The following RBM48 variants were observed in gnomAD, a reference collection of about 807,000 sequenced individuals.
The protein encoded by RBM48 is RNA binding motif protein 48, also known as RNA-binding protein 48.
In RBM48, 32 loss-of-function variants were observed where a neutral mutation model predicts 34.8. The ratio of observed to expected loss-of-function variants is 0.92; its 90% confidence interval spans 0.69 to 1.23. RBM48 has a LOEUF of 1.23. Ranked by LOEUF, RBM48 falls within the 50% of genes most tolerant of loss-of-function variation. RBM48 has a pLI of 0.00. For missense variants in RBM48, 441 were observed against 447.2 expected, an observed-to-expected ratio of 0.99 and a Z score of 0.12; for synonymous variants, 151 against 156.2, an observed-to-expected ratio of 0.97 and a Z score of 0.25.
Position 92,534,842 on chromosome 7 carries a change from TTTC to T in RBM48, c.893_895del (p.Leu298del). The T allele has an allele frequency of 6.2e-7, 1 of 1,614,202 alleles. No homozygotes were observed. The highest frequency in any genetic ancestry group is 1.7e-4 in the Middle Eastern group (1 of 6,060). ...AGAAGATGATCGTAAACTTGGAACT[TTTC>T]TTCAAACAAACCCAACTGGTAATGA... On this transcript the variant is annotated inframe_deletion, in exon 4 of 5. Coordinates refer to ENST00000265732, the MANE Select transcript of RBM48 (RefSeq NM_032120.4).
chr7:92,534,588 G>T lies in RBM48; in HGVS notation c.635G>T (p.Cys212Phe). Residue 212 changes from cysteine (C) to phenylalanine (F), a missense_variant, in exon 4 of 5, where the codon TGT (cysteine) becomes TTT (phenylalanine). Transcript: ENST00000265732. ...TGTTATTTCTCCTCAAAATGTATGT[G>T]TTCATCCGGGGGACCTGTAGACAGA... ...PLCYFSSKCM[C>F]SSGGPVDRAP... 1 of 1,614,094 alleles carries T rather than the reference G, an allele frequency of 6.2e-7. No homozygotes were observed. The highest frequency in any genetic ancestry group is 1.1e-5 in the South Asian group (1 of 91,074).
intron 3 of RBM48, among the ~76,000 whole-genome samples, chr7:92,533,779 A>G (rs968197030): frequency 4.6e-5 from 7 of 152,326 alleles, no homozygotes; most frequent in East Asian, 1.9e-4. Context: ...TCATCAACAC[A>G]TAGCCAATTT....
rs781193791 is a variant in RBM48, at chr7:92,539,423, TG to T, written c.*2489del. 7.9e-5 allele frequency among the ~76,000 whole-genome samples: 12 copies of T among 152,344 alleles called. No individual in the cohort carries two copies. The South Asian group carries it at 2.3e-3, about 29-fold the overall frequency. On this transcript the variant is annotated 3_prime_UTR_variant, in exon 5 of 5. Transcript: ENST00000265732. ...AAAATTTCCATATAGGTTATTATTT[TG>T]GGCACAGTGGCTCATGCCTATAATC...
Position 92,536,956 on chromosome 7 carries a change from G to T in RBM48, c.*19G>T, listed in dbSNP as rs181346869. Reference sequence around the variant, plus strand: ...AATATAGAGTGCCAGCAGCAACTTAGTATTTTCTAAAAAGAACATTTATTA... The same window carrying T: ...AATATAGAGTGCCAGCAGCAACTTATTATTTTCTAAAAAGAACATTTATTA... On this transcript the variant is annotated 3_prime_UTR_variant, in exon 5 of 5. Coordinates refer to ENST00000265732, the MANE Select transcript of RBM48 (RefSeq NM_032120.4). 1.8e-5 allele frequency: 27 copies of T among 1,508,648 alleles called. No homozygotes were observed. The highest frequency in any genetic ancestry group is 2.3e-5 in the Non-Finnish European group (26 of 1,118,330). The allele number at this position is 1,508,648 out of a possible 1,614,324, so 93.5% of individuals were successfully genotyped here. A position where few individuals can be genotyped will look rare whatever the true frequency, so the allele number is the denominator to read the frequency against.
chr7:92,529,245 C>T lies in RBM48; in HGVS notation c.112-231C>T, dbSNP rs1347802165. 8 of 572,822 alleles carry T rather than the reference C, an allele frequency of 1.4e-5. No homozygotes were observed. The Admixed American group carries it at 2.0e-4, about 14-fold the overall frequency. The allele number at this position is 572,822 out of a possible 1,614,324, so 35.5% of individuals were successfully genotyped here. A position where few individuals can be genotyped will look rare whatever the true frequency, so the allele number is the denominator to read the frequency against. On this transcript the variant is annotated intron_variant, in intron 1 of 4. Transcript: ENST00000265732. ...CCAGTGACTTCTACCGACTCAATTT[C>T]TGGAAAAAAATGTCGACTGAAGGTA...
intron 2 of RBM48, among the ~76,000 whole-genome samples, chr7:92,530,976 G>T (rs1455233406): frequency 2.0e-5 from 3 of 152,042 alleles, no homozygotes; most frequent in African/African-American, 7.2e-5. Context: ...CAGCTACTTG[G>T]GAGGCCGAGG....
intron 4 of RBM48, chr7:92,536,453 C>T: frequency 1.0e-6 from 1 of 986,790 alleles, no homozygotes; most frequent in Non-Finnish European, 1.2e-6. Flanking sequence ...GATTATACTG[C>T]TTCCTGCTCA....
Position 92,537,732 on chromosome 7 carries a change from T to C in RBM48, c.*795T>C, listed in dbSNP as rs983470010. 5 of 152,274 alleles carry C rather than the reference T, an allele frequency of 3.3e-5. No individual in the cohort carries two copies. Among genetic ancestry groups the C allele is most frequent in the African/African-American group, 1.2e-4 (5 of 41,474 alleles). 9.4% of individuals were successfully genotyped at this position (152,274 alleles called of 1,614,324 possible). On this transcript the variant is annotated 3_prime_UTR_variant, in exon 5 of 5. Coordinates refer to ENST00000265732, the MANE Select transcript of RBM48 (RefSeq NM_032120.4). ...CAAAAATACATCAGTATTTATAAAT[T>C]CTAGACTTCTGTTACTACTTCTGGC...
At chr7:92,533,187 G>C (rs1043338760) in intron 3 of RBM48, among the ~76,000 whole-genome samples, 1 of 152,198 alleles carries the variant, frequency 6.6e-6, no homozygotes, top group Non-Finnish European at 1.5e-5. Context: ...TCAGAAATCT[G>C]GTAAGAGAGC....
At chr7:92,534,128 T>C (rs1427286972) in intron 3 of RBM48, 1 of 399,918 alleles carries the variant, frequency 2.5e-6, no homozygotes, top group Non-Finnish European at 4.5e-6. Context: ...TGAGACATAT[T>C]GAACAGATAA....
chr7:92,536,431 C>T (rs1219329614), intron 4 of RBM48: 23 of 985,616 alleles, frequency 2.3e-5, no homozygotes, highest in Non-Finnish European at 2.8e-5. Flanking sequence ...CCTTTTTCTC[C>T]AGGAAATTGA....
intron 3 of RBM48, 69 bp from the exon 4 acceptor site, chr7:92,534,333 T>C (rs1322890470): frequency 6.7e-7 from 1 of 1,500,308 alleles, no homozygotes; most frequent in Admixed American, 2.0e-5. Context: ...AATTATATGA[T>C]TCTGAATGAT....
chr7:92,534,187 G>A, intron 3 of RBM48: 1 of 622,592 alleles, frequency 1.6e-6, no homozygotes, highest in South Asian at 1.9e-5. Context: ...GACCCATGGA[G>A]AGCAAGGAAA....
At chr7:92,535,409 AT>A in intron 4 of RBM48, 1 of 1,028,022 alleles carries the variant, frequency 9.7e-7, no homozygotes, top group Non-Finnish European at 1.2e-6. Flanking sequence ...ATAAAGAGCA[AT>A]AGAAGGTGGT....
At position 92,537,867 on chromosome 7, in the gene RBM48, C is replaced by T. The variant is rs958485603; in HGVS notation, c.*930C>T. The T allele has an allele frequency of 2.0e-5, 3 of 152,276 alleles. No individual in the cohort carries two copies. Among genetic ancestry groups the T allele is most frequent in the Non-Finnish European group, 4.4e-5 (3 of 68,052 alleles). The allele number at this position is 152,276 out of a possible 1,614,324, so 9.4% of individuals were successfully genotyped here. On this transcript the variant is annotated 3_prime_UTR_variant, in exon 5 of 5. Coordinates refer to ENST00000265732, the MANE Select transcript of RBM48 (RefSeq NM_032120.4). Reference sequence around the variant, plus strand: ...TATTTTTAGTAGAGACAGGGTCTCACTGTGTTGCCCAGGCAGGTATTGAAC... The same window carrying T: ...TATTTTTAGTAGAGACAGGGTCTCATTGTGTTGCCCAGGCAGGTATTGAAC...
Position 92,539,233 on chromosome 7 carries a change from A to G in RBM48, c.*2296A>G, listed in dbSNP as rs534689907. On this transcript the variant is annotated 3_prime_UTR_variant, in exon 5 of 5. Transcript: ENST00000265732. The stretch of plus-strand genomic sequence containing the variant: ...ATTATGCTATATACTGTTTTCGCTC[A>G]TCTCTTTTCAGATTGGAAGCCTGCC... Among the ~76,000 whole-genome samples, 123 of 152,340 alleles carry G rather than the reference A, an allele frequency of 8.1e-4. No individual in the cohort carries two copies. Among genetic ancestry groups the G allele is most frequent in the African/African-American group, 2.8e-3 (118 of 41,578 alleles).
chr7:92,534,360 TTC>T, intron 3 of RBM48, 40 bp from the exon 4 acceptor site: 1 of 1,566,524 alleles, frequency 6.4e-7, no homozygotes, highest in Non-Finnish European at 8.7e-7. Context: ...AATAAACCAC[TTC>T]TGTTTCCCTT....
chr7:92,533,982 A>AC (rs1416183332), intron 3 of RBM48, among the ~76,000 whole-genome samples: 2 of 152,000 alleles, frequency 1.3e-5, no homozygotes, highest in Admixed American at 6.6e-5. Context: ...AAAAAAAAAA[A>AC]AAAAAAACCT....
chr7:92,534,063 C>G (rs564727976), intron 3 of RBM48, among the ~76,000 whole-genome samples: 7 of 150,008 alleles, frequency 4.7e-5, no homozygotes, highest in Non-Finnish European at 1.0e-4. Flanking sequence ...CAGAGAAATG[C>G]GTATTACAGG....
Sources: gnomAD v4.1 joint callset for allele counts (sites outside exome capture counted in the v4.1 genomes callset) on GRCh38, gnomAD v4.1.1 for gene constraint, MANE v1.5 for transcripts, NCBI Gene and HGNC (gene_info 2026-07-23, HGNC 2026-07-21) for gene names.